EGF: variants seen among roughly 807,000 people sequenced by gnomAD.
EGF encodes the protein pro-epidermal growth factor.
In EGF, 95 loss-of-function variants were observed where a neutral mutation model predicts 143.8. That is an observed-to-expected ratio of 0.66 (90% CI 0.56 to 0.78). The LOEUF (loss-of-function observed/expected upper bound fraction) is 0.78, where lower values mean the gene tolerates loss of function less well. EGF is among the 30% of genes least tolerant of loss of function. The pLI is 0.00. For synonymous variants in EGF, 510 were observed against 510.5 expected, an observed-to-expected ratio of 1.00 and a Z score of 0.01; for missense variants, 1,320 against 1,470.9, an observed-to-expected ratio of 0.90 and a Z score of 1.68.
chr4:110,004,347 A>G, intron 21 of EGF, 158 bp from the exon 22 acceptor site: 3 of 757,702 alleles, frequency 4.0e-6, no homozygotes, highest in Non-Finnish European at 7.2e-6. Context: ...TGCCTTAAAC[A>G]TCTAAAGTTA....
chr4:109,974,515 T>C (rs1290655595), intron 11 of EGF, among the ~76,000 whole-genome samples, 188 bp from the exon 12 acceptor site: 1 of 152,186 alleles, frequency 6.6e-6, no homozygotes, highest in Non-Finnish European at 1.5e-5. Context: ...ATAAAATTTG[T>C]GGGCTTATTG....
Position 109,988,669 on chromosome 4 carries a change from G to C in EGF, c.2694G>C (p.Arg898=). Residue 898 remains arginine, a synonymous_variant, in exon 18 of 24, where the codon CGG becomes CGC. Transcript: ENST00000265171. The part of the protein sequence containing the change: ...CINTEGGYVC[R]CSEGYQGDGI... Reference sequence around the variant, plus strand: ...ACACCGAAGGTGGTTATGTCTGCCGGTGCTCAGAAGGCTACCAAGGAGATG... The same window carrying C: ...ACACCGAAGGTGGTTATGTCTGCCGCTGCTCAGAAGGCTACCAAGGAGATG... The C allele has an allele frequency of 6.2e-7, 1 of 1,614,058 alleles. No homozygotes were observed. The highest frequency in any genetic ancestry group is 1.3e-5 in the African/African-American group (1 of 75,054).
chr4:109,940,760 C>T lies in EGF; in HGVS notation c.128-186C>T, dbSNP rs11568884. 0.031 allele frequency: 19,155 copies of T among 608,232 alleles called. 413 individuals carry two copies. Among genetic ancestry groups the T allele is most frequent in the Non-Finnish European group, 0.043 (15,073 of 350,830 alleles). The allele number at this position is 608,232 out of a possible 1,614,324, so 37.7% of individuals were successfully genotyped here. The stretch of plus-strand genomic sequence containing the variant: ...TCTTATAATCAGTTTGTGGAGAAGA[C>T]AATTTACAAAGTGGAGTGTGAATAT... On this transcript the variant is annotated intron_variant, in intron 1 of 23. Coordinates refer to ENST00000265171, the MANE Select transcript of EGF (RefSeq NM_001963.6).
intron 1 of EGF, among the ~76,000 whole-genome samples, chr4:109,920,285 T>A (rs1398046764): frequency 6.6e-6 from 1 of 151,808 alleles, no homozygotes; most frequent in Non-Finnish European, 1.5e-5. Flanking sequence ...TTAGCAATTA[T>A]TGTACAGAAG....
intron 18 of EGF, 126 bp from the exon 19 acceptor site, chr4:109,993,121 A>G (rs1751265233): frequency 8.3e-6 from 9 of 1,082,424 alleles, no homozygotes; most frequent in Non-Finnish European, 1.1e-5. Context: ...AAAAAAATAT[A>G]TAGGTCTCTG....
At position 109,940,770 on chromosome 4, in the gene EGF, A is replaced by G. The variant is rs1741789066; in HGVS notation, c.128-176A>G. The G allele has an allele frequency of 9.6e-6, 6 of 628,124 alleles. No individual in the cohort carries two copies. In the Admixed American group the frequency reaches 1.7e-4, roughly 18 times the overall value. 38.9% of individuals were successfully genotyped at this position (628,124 alleles called of 1,614,324 possible). On this transcript the variant is annotated intron_variant, in intron 1 of 23. Transcript: ENST00000265171. Reference sequence around the variant, plus strand: ...AGTTTGTGGAGAAGACAATTTACAAAGTGGAGTGTGAATATCTACAGGAAC... The same window carrying G: ...AGTTTGTGGAGAAGACAATTTACAAGGTGGAGTGTGAATATCTACAGGAAC...
intron 18 of EGF, among the ~76,000 whole-genome samples, chr4:109,992,969 G>T (rs1448448552): frequency 9.6e-6 from 1 of 104,068 alleles, no homozygotes; most frequent in Non-Finnish European, 1.9e-5. Flanking sequence ...AGGGGGGAGG[G>T]ATAGCATTAG....
At position 109,961,767 on chromosome 4, in the gene EGF, G is replaced by A. The variant is rs1416557592; in HGVS notation, c.1190-96G>A. On this transcript the variant is annotated intron_variant, in intron 7 of 23. Transcript: ENST00000265171. ...TAATCCCAACACTTTGGGAGGTCAA[G>A]GCAGGAGGATCACCTGGCAATATTA... 3 of 1,540,200 alleles carry A rather than the reference G, an allele frequency of 1.9e-6. No homozygotes were observed. In the African/African-American group the frequency reaches 4.1e-5, roughly 21 times the overall value.
intron 16 of EGF, among the ~76,000 whole-genome samples, chr4:109,986,980 A>T (rs1376272018): frequency 6.6e-6 from 1 of 152,210 alleles, no homozygotes; most frequent in African/African-American, 2.4e-5. Context: ...AATTGTCAGT[A>T]AATCTTTTTA....
At chr4:109,970,422 G>T (rs1196042079) in intron 11 of EGF, among the ~76,000 whole-genome samples, 1 of 152,082 alleles carries the variant, frequency 6.6e-6, no homozygotes, top group Non-Finnish European at 1.5e-5. Flanking sequence ...GGAGAATGAG[G>T]GTTTAACCTC....
rs6413481 is a variant in EGF, at chr4:109,980,085, G to C, written c.2167G>C (p.Gly723Arg). The C allele has an allele frequency of 1.1e-5, 17 of 1,613,770 alleles. No homozygotes were observed. The Admixed American group carries it at 2.3e-4, about 22-fold the overall frequency. Reference protein sequence around the residue: ...RTGKDRVRLQGSMLKPSSLVV... With the variant: ...RTGKDRVRLQRSMLKPSSLVV... ...TGGCAAAGATAGAGTACGTCTCCAA[G>C]GCAGCATGCTGAAGCCCTCATCACT... The change falls in exon 14 of 24, where the codon GGC becomes CGC. Residue 723 changes from glycine (G) to arginine (R), a missense_variant. Gly to Arg is a moderately radical substitution (Grantham distance 125). This residue lies in a region of EGF where 1,186 missense variants were observed against 1,313.7 expected (regional missense o/e 0.90). Coordinates refer to ENST00000265171, the MANE Select transcript of EGF (RefSeq NM_001963.6).
intron 16 of EGF, among the ~76,000 whole-genome samples, chr4:109,985,977 CT>C (rs1183623527): frequency 6.6e-6 from 1 of 152,024 alleles, no homozygotes; most frequent in Non-Finnish European, 1.5e-5. Context: ...AAATATTTGA[CT>C]AAATATCTTG....
chr4:110,005,537 G>A (rs940693502), intron 22 of EGF, among the ~76,000 whole-genome samples: 1 of 152,112 alleles, frequency 6.6e-6, no homozygotes, highest in African/African-American at 2.4e-5. Flanking sequence ...AATTTAACTG[G>A]GTTCTTTATT....
intron 11 of EGF, among the ~76,000 whole-genome samples, chr4:109,972,175 C>T (rs572903814): frequency 6.6e-6 from 1 of 152,044 alleles, no homozygotes; most frequent in Admixed American, 6.5e-5. Flanking sequence ...GAAGGACACA[C>T]CTCTAGATTA....
chr4:109,980,765 C>T lies in EGF; in HGVS notation c.2222-61C>T, dbSNP rs1162115988. The T allele has an allele frequency of 2.5e-6, 4 of 1,602,796 alleles. No individual in the cohort carries two copies. In the Admixed American group the frequency reaches 6.7e-5, roughly 27 times the overall value. On this transcript the variant is annotated intron_variant, in intron 14 of 23. Transcript: ENST00000265171. ...TCCCTAAAAGCAAGCTGTAGACTTG[C>T]ATTAATGGCATCCTTTTCATCTTCA... is the stretch of plus-strand genomic sequence containing the variant.
At position 109,979,081 on chromosome 4, in the gene EGF, C is replaced by A. The variant is rs77099362; in HGVS notation, c.2054-891C>A. ...CCCTTGCGTATTCAATACTTGCATG[C>A]CTTCTCAGAGCAGTTCCAGTGGCAC... On this transcript the variant is annotated intron_variant, in intron 13 of 23. Coordinates refer to ENST00000265171, the MANE Select transcript of EGF (RefSeq NM_001963.6). Among the ~76,000 whole-genome samples the A allele has an allele frequency of 8.0e-3, 1,214 of 152,298 alleles. 11 individuals are homozygous for A. Among genetic ancestry groups the A allele is most frequent in the African/African-American group, 0.028 (1,153 of 41,578 alleles).
chr4:109,930,603 A>G (rs1739514081), intron 1 of EGF, among the ~76,000 whole-genome samples: 1 of 152,124 alleles, frequency 6.6e-6, no homozygotes, highest in South Asian at 2.1e-4. Context: ...ATTTCTTGTT[A>G]ATCTGGTTGT....
rs886058998 is a variant in EGF, at chr4:110,011,866, A to G, written c.*411A>G. ...TCTTTGATCTGGACAGAACATTTATATCAGTTTCATGAAATGATTGGAATA... is the reference window on the plus strand; with the variant it reads ...TCTTTGATCTGGACAGAACATTTATGTCAGTTTCATGAAATGATTGGAATA... On this transcript the variant is annotated 3_prime_UTR_variant, in exon 24 of 24. Transcript: ENST00000265171. 1.8e-4 allele frequency: 45 copies of G among 252,226 alleles called. No homozygotes were observed. The highest frequency in any genetic ancestry group is 9.6e-4 in the African/African-American group (43 of 44,606). 15.6% of individuals were successfully genotyped at this position (252,226 alleles called of 1,614,324 possible).
At chr4:109,935,757 G>C (rs1410028285) in intron 1 of EGF, among the ~76,000 whole-genome samples, 1 of 152,082 alleles carries the variant, frequency 6.6e-6, no homozygotes, top group East Asian at 1.9e-4. Context: ...AGCATGTAAG[G>C]GTGTTGAATT....
Sources: allele counts gnomAD v4.1 joint callset (sites outside exome capture counted in the v4.1 genomes callset), GRCh38; gene constraint gnomAD v4.1.1; regional missense constraint gnomAD v4.1.1; transcripts MANE v1.5; gene names NCBI Gene and HGNC (gene_info 2026-07-23, HGNC 2026-07-21).